The following PCDHGC4 variants were observed in gnomAD, a reference collection of about 807,000 sequenced individuals.
PCDHGC4 encodes protocadherin gamma subfamily C, 4.
A neutral mutation model predicts 59.7 loss-of-function variants in PCDHGC4; 15 were observed. The observed-to-expected ratio is 0.25, with a 90% CI of 0.17 to 0.39. The LOEUF is 0.39. Ranked by LOEUF, PCDHGC4 falls within the 10% of genes least tolerant of loss-of-function variation. The pLI, the probability that PCDHGC4 is intolerant of heterozygous loss-of-function variation, is 1.00. For synonymous variants in PCDHGC4, 434 were observed against 481.4 expected, an observed-to-expected ratio of 0.90 and a Z score of 1.29; for missense variants, 1,016 against 1,189.5, an observed-to-expected ratio of 0.85 and a Z score of 2.15.
chr5:141,495,028 G>C, intron 2 of PCDHGC4, 163 bp downstream of exon 2: 3 of 966,196 alleles, frequency 3.1e-6, no homozygotes, highest in Non-Finnish European at 3.7e-6. Flanking sequence ...CACAGACCCC[G>C]GAAGGAAGAG....
chr5:141,500,005 G>A (rs994274763), intron 2 of PCDHGC4, among the ~76,000 whole-genome samples: 30 of 151,476 alleles, frequency 2.0e-4, no homozygotes, highest in Non-Finnish European at 3.8e-4. Context: ...TCTTTCATAA[G>A]GTCCACATTT....
At position 141,487,219 on chromosome 5, in the gene PCDHGC4, A is replaced by G. The variant is rs750819958; in HGVS notation, c.2046A>G (p.Pro682=). The part of the protein sequence containing the change: ...VVPDLRESSA[P]REGESRLTLY... ...CAGATCTTCGAGAATCTTCAGCTCC[A>G]AGGGAAGGAGAATCTCGTCTAACCC... Residue 682 remains proline, a synonymous_variant, in exon 1 of 4, where the codon CCA becomes CCG. Transcript: ENST00000306593. This position sits in a 1 kb window ranked among gnomAD's most constrained non-coding sequence, Gnocchi z 5.0. The G allele has an allele frequency of 1.2e-6, 2 of 1,613,952 alleles. No individual in the cohort carries two copies. The highest frequency in any genetic ancestry group is 3.3e-5 in the Admixed American group (2 of 60,020).
Position 141,501,290 on chromosome 5 carries a change from TACACACAC to T in PCDHGC4, c.2502-4066_2502-4059del, listed in dbSNP as rs55762287. 3.7e-3 allele frequency among the ~76,000 whole-genome samples: 499 copies of T among 136,222 alleles called. 2 individuals carry two copies. Among genetic ancestry groups the T allele is most frequent in the Middle Eastern group, 0.033 (9 of 270 alleles). 89.4% of individuals were successfully genotyped at this position (136,222 alleles called of 152,430 possible). On this transcript the variant is annotated intron_variant, in intron 2 of 3. Transcript: ENST00000306593. ...GTCCAGTCTATGGGATATTCCCTTA[TACACACAC>T]ACACACACACACACACACACACACA... is the stretch of plus-strand genomic sequence containing the variant.
Position 141,485,168 on chromosome 5 carries a change from G to A in PCDHGC4, c.-6G>A. The A allele has an allele frequency of 6.2e-7, 1 of 1,608,668 alleles. No individual in the cohort carries two copies. Among genetic ancestry groups the A allele is most frequent in the Non-Finnish European group, 8.5e-7 (1 of 1,175,736 alleles). ...GGAGCAAGTAGAGAATTAGCGGGCG[G>A]CAGCAATGCTCCGCAAGGTGAGAAG... is the stretch of plus-strand genomic sequence containing the variant. On this transcript the variant is annotated 5_prime_UTR_variant, in exon 1 of 4. Coordinates refer to ENST00000306593, the MANE Select transcript of PCDHGC4 (RefSeq NM_018928.3). This position sits in a 1 kb window ranked among gnomAD's most constrained non-coding sequence, Gnocchi z 5.7.
chr5:141,500,318 C>T (rs1005060282), intron 2 of PCDHGC4, among the ~76,000 whole-genome samples: 3 of 151,948 alleles, frequency 2.0e-5, no homozygotes, highest in African/African-American at 7.3e-5. Context: ...ACGCCATGCT[C>T]CTGCCTCAGC....
intron 3 of PCDHGC4, among the ~76,000 whole-genome samples, chr5:141,505,999 G>A (rs891447053): frequency 1.3e-5 from 2 of 152,172 alleles, no homozygotes; most frequent in African/African-American, 4.8e-5. Flanking sequence ...TTTATGCGAG[G>A]CTCCTCTTTT....
intron 2 of PCDHGC4, among the ~76,000 whole-genome samples, chr5:141,504,238 G>A (rs1043662594): frequency 2.0e-5 from 3 of 152,228 alleles, no homozygotes; most frequent in African/African-American, 7.2e-5. Flanking sequence ...CTAAGAAGCA[G>A]AGAGTTCTTC....
Position 141,491,844 on chromosome 5 carries a change from G to A in PCDHGC4, c.2443-2963G>A. On this transcript the variant is annotated intron_variant, in intron 1 of 3. Transcript: ENST00000306593. The surrounding 1 kb of genome is among the most constrained non-coding windows in gnomAD (Gnocchi z 6.9). ...GCTCCACCCGATTCTCGGGATCATT[G>A]GACCGTTTGCGCGAAACCAGAGTGG... 1 of 1,464,184 alleles carries A rather than the reference G, an allele frequency of 6.8e-7. No homozygotes were observed. 90.7% of individuals were successfully genotyped at this position (1,464,184 alleles called of 1,614,324 possible).
At chr5:141,492,026 G>T in intron 1 of PCDHGC4, 1 of 567,198 alleles carries the variant, frequency 1.8e-6, no homozygotes, top group Non-Finnish European at 3.0e-6. Flanking sequence ...GGGGTCCCGG[G>T]AGGAGGCAGT....
rs1460389320 is a variant in PCDHGC4 at position 141,490,134 on chromosome 5, C to T, written c.2442+2519C>T. The T allele has an allele frequency of 2.5e-6, 4 of 1,614,114 alleles. No homozygotes were observed. Among genetic ancestry groups the T allele is most frequent in the Admixed American group, 3.3e-5 (2 of 59,998 alleles). ...GGAACCTCTTTGGCCTAGACCCTAG[C>T]AGTGGGGCAATCCATGTGTTGGGTC... On this transcript the variant is annotated intron_variant, in intron 1 of 3. Coordinates refer to ENST00000306593, the MANE Select transcript of PCDHGC4 (RefSeq NM_018928.3). This position sits in a 1 kb window ranked among gnomAD's most constrained non-coding sequence, Gnocchi z 5.4.
At position 141,490,044 on chromosome 5, in the gene PCDHGC4, T is replaced by C; in HGVS notation, c.2442+2429T>C. The C allele has an allele frequency of 1.2e-6, 2 of 1,614,192 alleles. No individual in the cohort carries two copies. Among genetic ancestry groups the C allele is most frequent in the Non-Finnish European group, 1.7e-6 (2 of 1,180,024 alleles). The stretch of plus-strand genomic sequence containing the variant: ...TGCTGCTCCGCCTCAATGCCACTGA[T>C]CCAGACGAGGGCACCAACGGCCAAC... On this transcript the variant is annotated intron_variant, in intron 1 of 3. Transcript: ENST00000306593. The surrounding 1 kb of genome is among the most constrained non-coding windows in gnomAD (Gnocchi z 5.4).
Position 141,491,300 on chromosome 5 carries a change from G to T in PCDHGC4, c.2443-3507G>T. On this transcript the variant is annotated intron_variant, in intron 1 of 3. Coordinates refer to ENST00000306593, the MANE Select transcript of PCDHGC4 (RefSeq NM_018928.3). The surrounding 1 kb of genome is among the most constrained non-coding windows in gnomAD (Gnocchi z 6.9). Reference sequence around the variant, plus strand: ...GACTTCCTCATACACCCTCCTGAGCGTTCAGACCTTACCCTTTACCTCATT... The same window carrying T: ...GACTTCCTCATACACCCTCCTGAGCTTTCAGACCTTACCCTTTACCTCATT... The T allele has an allele frequency of 6.2e-7, 1 of 1,614,136 alleles. No homozygotes were observed. The highest frequency in any genetic ancestry group is 8.5e-7 in the Non-Finnish European group (1 of 1,179,962).
rs1239481973 is a variant in PCDHGC4 at position 141,491,585 on chromosome 5, C to G, written c.2443-3222C>G. On this transcript the variant is annotated intron_variant, in intron 1 of 3. Coordinates refer to ENST00000306593, the MANE Select transcript of PCDHGC4 (RefSeq NM_018928.3). The surrounding 1 kb of genome is among the most constrained non-coding windows in gnomAD (Gnocchi z 6.9). ...TACAGGACGTGCTTTTCACCGGCCT[C>G]GGACGGCAGTGACTTCACTTTTCTA... 6.2e-7 allele frequency: 1 copy of G among 1,613,964 alleles called. No individual in the cohort carries two copies.
intron 3 of PCDHGC4, among the ~76,000 whole-genome samples, chr5:141,510,556 T>TA (rs2099881668): frequency 6.6e-6 from 1 of 152,178 alleles, no homozygotes; most frequent in African/African-American, 2.4e-5. Flanking sequence ...TTTGAGCACT[T>TA]ACATCTACCA....
intron 2 of PCDHGC4, among the ~76,000 whole-genome samples, chr5:141,501,258 T>G (rs2099806611): frequency 1.3e-5 from 2 of 150,950 alleles, no homozygotes; most frequent in South Asian, 4.2e-4. Flanking sequence ...GGGAGTATTT[T>G]ATTATAGTCC....
intron 3 of PCDHGC4, among the ~76,000 whole-genome samples, chr5:141,509,398 G>A (rs1218925417): frequency 6.6e-6 from 1 of 152,106 alleles, no homozygotes; most frequent in Admixed American, 6.5e-5. Context: ...GGATCTCAGG[G>A]CCTCCAGCAG....
Position 141,485,117 on chromosome 5 carries a change from G to A in PCDHGC4, c.-57G>A. The A allele has an allele frequency of 3.0e-6, 4 of 1,326,200 alleles. No homozygotes were observed. The highest frequency in any genetic ancestry group is 4.3e-6 in the Non-Finnish European group (4 of 933,470). 82.2% of individuals were successfully genotyped at this position (1,326,200 alleles called of 1,614,324 possible). On this transcript the variant is annotated 5_prime_UTR_variant, in exon 1 of 4. Transcript: ENST00000306593. The surrounding 1 kb of genome is among the most constrained non-coding windows in gnomAD (Gnocchi z 5.7). ...GTCTCCAGCTGCTGTGGCTGTTTGG[G>A]GCGGGTCGGCTTCATCCGCGTCTCA...
chr5:141,510,910 A>C (rs780792326), intron 3 of PCDHGC4, 37 bp from the exon 4 acceptor site: 4 of 1,613,740 alleles, frequency 2.5e-6, no homozygotes, highest in Admixed American at 3.3e-5. Flanking sequence ...GAGGACCCTA[A>C]GTTTAGCTCC....
Position 141,490,896 on chromosome 5 carries a change from G to A in PCDHGC4, c.2442+3281G>A. 6.2e-7 allele frequency: 1 copy of A among 1,613,938 alleles called. No homozygotes were observed. Among genetic ancestry groups the A allele is most frequent in the Non-Finnish European group, 8.5e-7 (1 of 1,179,922 alleles). ...TGCATGCCAACACATCTCTGCATGTGTTTGTCCTAGACGAGAATGATAATG... is the reference window on the plus strand; with the variant it reads ...TGCATGCCAACACATCTCTGCATGTATTTGTCCTAGACGAGAATGATAATG... On this transcript the variant is annotated intron_variant, in intron 1 of 3. Coordinates refer to ENST00000306593, the MANE Select transcript of PCDHGC4 (RefSeq NM_018928.3). This position sits in a 1 kb window ranked among gnomAD's most constrained non-coding sequence, Gnocchi z 5.4.
Sources: allele counts gnomAD v4.1 joint callset (sites outside exome capture counted in the v4.1 genomes callset), GRCh38; gene constraint gnomAD v4.1.1; non-coding constraint Gnocchi (gnomAD v3.1); transcripts MANE v1.5; gene names NCBI Gene and HGNC (gene_info 2026-07-23, HGNC 2026-07-21).